Variants in SYNE1 observed in about 807,000 individuals in gnomAD.
SYNE1 encodes the protein spectrin repeat containing nuclear envelope protein 1, also known as nesprin-1.
In SYNE1, 616 loss-of-function variants were observed where a neutral mutation model predicts 1,111.0. That is an observed-to-expected ratio of 0.55 (90% CI 0.52 to 0.59). The LOEUF is 0.59. Among genes scored for constraint, SYNE1 ranks in the 20% least tolerant of loss-of-function variants. The probability of loss-of-function intolerance (pLI) is 0.00; values close to 1 mark genes in which losing one functional copy is unlikely to be tolerated. For missense variants in SYNE1, 10,006 were observed against 10,417.0 expected, an observed-to-expected ratio of 0.96 and a Z score of 1.72; for synonymous variants, 3,855 against 3,825.8, an observed-to-expected ratio of 1.01 and a Z score of -0.28.
chr6:152,474,559 T>C (rs1218113225), intron 14 of SYNE1: 2 of 152,098 alleles, frequency 1.3e-5, no homozygotes, highest in Admixed American at 6.6e-5. Flanking sequence ...GCAAATACAA[T>C]AGGAGGAAAG....
chr6:152,189,508 C>T (rs2071569276), intron 127 of SYNE1, 101 bp from the exon 128 acceptor site: 2 of 1,145,528 alleles, frequency 1.7e-6, no homozygotes, highest in African/African-American at 3.1e-5. Context: ...TTGTATAGCC[C>T]TCAATTTAAA....
chr6:152,305,866 G>A (rs2095357914), intron 91 of SYNE1, among the ~76,000 whole-genome samples: 1 of 152,134 alleles, frequency 6.6e-6, no homozygotes. Context: ...AACATAACAT[G>A]GATGTTCAGA....
intron 25 of SYNE1, among the ~76,000 whole-genome samples, chr6:152,452,438 C>T (rs2098659047): frequency 6.6e-6 from 1 of 151,958 alleles, no homozygotes; most frequent in Non-Finnish European, 1.5e-5. Context: ...TAATGAAAAA[C>T]TTGAATTTTC....
chr6:152,382,548 C>T (rs1267191261), intron 55 of SYNE1, among the ~76,000 whole-genome samples: 1 of 152,114 alleles, frequency 6.6e-6, no homozygotes, highest in East Asian at 1.9e-4. Context: ...GTCTAAATTA[C>T]AATGACATGA....
At chr6:152,587,817 G>T (rs1216636582) in intron 3 of SYNE1, among the ~76,000 whole-genome samples, 1 of 152,154 alleles carries the variant, frequency 6.6e-6, no homozygotes, top group Non-Finnish European at 1.5e-5. Context: ...ATCCAGGATA[G>T]CCATTAGTAA....
intron 145 of SYNE1, among the ~76,000 whole-genome samples, chr6:152,129,784 A>T (rs1204239035): frequency 1.3e-5 from 2 of 152,048 alleles, no homozygotes; most frequent in African/African-American, 4.8e-5. Flanking sequence ...CCTCATCCCC[A>T]CCCTCCTTCC....
Position 152,325,133 on chromosome 6 carries a change from T to A in SYNE1, c.15608A>T (p.Glu5203Val), listed in dbSNP as rs375432465. The A allele has an allele frequency of 6.2e-7, 1 of 1,614,086 alleles. No individual in the cohort carries two copies. The highest frequency in any genetic ancestry group is 1.3e-5 in the African/African-American group (1 of 74,924). ...TRLRAVAQDQEKILEDAVDEW... is the reference protein window; with the variant it reads ...TRLRAVAQDQVKILEDAVDEW... ...ATCCACTGCATCTTCCAGGATCTTC[T>A]CCTGGTCCTGGGCCACAGCTCGAAG... is the stretch of plus-strand genomic sequence containing the variant. Residue 5203 changes from glutamate (E) to valine (V), a missense_variant, in exon 81 of 146, where the codon GAG becomes GTG. Physicochemically the swap from Glu to Val is moderately radical, Grantham distance 121 (BLOSUM62 -2). This residue lies in a region of SYNE1 where 4,955 missense variants were observed against 5,017.2 expected (regional missense o/e 0.99). Transcript: ENST00000367255.
At position 152,247,727 on chromosome 6, in the gene SYNE1, TTATA is replaced by T. The variant is rs1183787546; in HGVS notation, c.19572+1430_19572+1433del. On this transcript the variant is annotated intron_variant, in intron 105 of 145. Transcript: ENST00000367255. ...TCCATATTAAAATATATATTTTTTA[TTATA>T]TATATATATATATATATATACACAC... is the stretch of plus-strand genomic sequence containing the variant. 9.2e-4 allele frequency among the ~76,000 whole-genome samples: 108 copies of T among 117,762 alleles called. 1 individual carries two copies. The highest frequency in any genetic ancestry group is 2.1e-3 in the African/African-American group (59 of 28,736). The allele number at this position is 117,762 out of a possible 152,430, so 77.3% of individuals were successfully genotyped here. A position where few individuals can be genotyped will look rare whatever the true frequency, so the allele number is the denominator to read the frequency against.
chr6:152,174,144 A>C (rs576286295), intron 130 of SYNE1, among the ~76,000 whole-genome samples: 3 of 152,326 alleles, frequency 2.0e-5, no homozygotes, highest in African/African-American at 7.2e-5. Context: ...AATATTAACT[A>C]GTTTAACTGG....
chr6:152,538,659 G>T (rs926065010), intron 4 of SYNE1, among the ~76,000 whole-genome samples: 7 of 147,084 alleles, frequency 4.8e-5, no homozygotes, highest in Admixed American at 1.4e-4. Flanking sequence ...TTCCCCAATC[G>T]ATGACAATTC....
chr6:152,451,836 G>A (rs542724229), intron 25 of SYNE1, among the ~76,000 whole-genome samples: 24 of 151,896 alleles, frequency 1.6e-4, no homozygotes, highest in Non-Finnish European at 3.4e-4. Context: ...AAGTCTCAGG[G>A]GTAAGTACAA....
rs761812821 is a variant in SYNE1 at position 152,416,594 on chromosome 6, C to A, written c.5843G>T (p.Cys1948Phe). The change falls in exon 41 of 146, where the codon TGC becomes TTC. Residue 1948 changes from cysteine to phenylalanine, a missense_variant. Transcript: ENST00000367255. Reference protein sequence around the residue: ...KIGSSEQRTSCRATADQLCGE... With the variant: ...KIGSSEQRTSFRATADQLCGE... ...ACAGAGCTGATCAGCCGTGGCTCTG[C>A]AGGAAGTCCTTTGCTCAGAGCTCCC... The A allele has an allele frequency of 3.0e-5, 48 of 1,614,132 alleles. 1 individual carries two copies. In the Middle Eastern group the frequency reaches 6.6e-4, roughly 22 times the overall value.
At chr6:152,443,454 C>T (rs971568830) in intron 30 of SYNE1, among the ~76,000 whole-genome samples, 17 of 152,202 alleles carry the variant, frequency 1.1e-4, no homozygotes, top group African/African-American at 2.9e-4. Context: ...TTAGTAGAGA[C>T]GGGGTTTCAC....
chr6:152,312,966 A>G (rs1299261348), intron 87 of SYNE1, among the ~76,000 whole-genome samples: 2 of 152,204 alleles, frequency 1.3e-5, no homozygotes, highest in African/African-American at 4.8e-5. Context: ...AAGTTTATTA[A>G]GAAAGTAAAG....
intron 39 of SYNE1, 92 bp downstream of exon 39, chr6:152,425,289 T>C (rs2098334975): frequency 7.1e-7 from 1 of 1,418,418 alleles, no homozygotes; most frequent in African/African-American, 1.4e-5. Context: ...TTGAGTTAAA[T>C]AAAAGTAAAC....
chr6:152,525,999 T>C (rs2099161805), intron 5 of SYNE1, 81 bp downstream of exon 5: 1 of 1,300,562 alleles, frequency 7.7e-7, no homozygotes, highest in African/African-American at 1.5e-5. Context: ...GGGCAGCACA[T>C]CTTAGCACTC....
At position 152,122,650 on chromosome 6, in the gene SYNE1, G is replaced by A. The variant is rs1585315718; in HGVS notation, c.26180C>T (p.Ser8727Phe). The change falls in exon 146 of 146, where the codon TCC (serine) becomes TTC (phenylalanine). Residue 8727 changes from serine (S) to phenylalanine (F), a missense_variant. Around this residue, in one of 7 missense-constraint regions of SYNE1, gnomAD observed 761 missense variants for 795.5 expected, o/e 0.96. Coordinates refer to ENST00000367255, the MANE Select transcript of SYNE1 (RefSeq NM_182961.4). ...SRSTKGGSDSSLSEPGPGRSG... is the reference protein window; with the variant it reads ...SRSTKGGSDSFLSEPGPGRSG... ...CCGACCTGGCCCTGGCTCAGAAAGG[G>A]AGGAATCGGAGCCACCTTTTGTGGA... 1.9e-6 allele frequency: 3 copies of A among 1,614,056 alleles called. No individual in the cohort carries two copies. The African/African-American group carries it at 4.0e-5, about 22-fold the overall frequency.
chr6:152,145,063 A>G (rs2152843891), intron 137 of SYNE1: 1 of 270,596 alleles, frequency 3.7e-6, no homozygotes, highest in Non-Finnish European at 7.2e-6. Context: ...GGATGGGCCA[A>G]AGGTCACTCA....
At chr6:152,336,620 T>A (rs148616406) in intron 76 of SYNE1, 2 of 613,560 alleles carry the variant, frequency 3.3e-6, no homozygotes, top group Non-Finnish European at 5.9e-6. Context: ...GTTCAGGCAT[T>A]AATGCTTGCT....
Sources: allele counts gnomAD v4.1 joint callset (sites outside exome capture counted in the v4.1 genomes callset), GRCh38; gene constraint gnomAD v4.1.1; regional missense constraint gnomAD v4.1.1; transcripts MANE v1.5; gene names NCBI Gene and HGNC (gene_info 2026-07-23, HGNC 2026-07-21).